The following ANOS1 variants were observed in gnomAD, a reference collection of about 807,000 sequenced individuals.
ANOS1 encodes anosmin 1.
A neutral mutation model predicts 59.0 loss-of-function variants in ANOS1; 6 were observed. The observed-to-expected ratio is 0.10, with a 90% CI of 0.06 to 0.20. The LOEUF is 0.20. ANOS1 is among the 10% of genes least tolerant of loss of function. The pLI, the probability that ANOS1 is intolerant of heterozygous loss-of-function variation, is 1.00. For synonymous variants in ANOS1, 217 were observed against 223.4 expected, an observed-to-expected ratio of 0.97 and a Z score of 0.25; for missense variants, 433 against 542.3, an observed-to-expected ratio of 0.80 and a Z score of 2.00.
intron 8 of ANOS1, 151 bp from the exon 9 acceptor site, chrX:8,554,249 G>A (rs1331419347): frequency 4.0e-6 from 2 of 505,635 alleles, no homozygotes; most frequent in East Asian, 3.7e-5. Flanking sequence ...GGAGGTACCG[G>A]CTCATCTCAT....
At chrX:8,553,148 T>A (rs751301170) in intron 9 of ANOS1, among the ~76,000 whole-genome samples, 2 of 109,830 alleles carry the variant, frequency 1.8e-5, no homozygotes, top group African/African-American at 3.3e-5. Context: ...AAAGACTGTA[T>A]GTTGAATAAA....
At chrX:8,662,817 T>A (rs1932062232) in intron 2 of ANOS1, among the ~76,000 whole-genome samples, 1 of 110,367 alleles carries the variant, frequency 9.1e-6, no homozygotes, top group African/African-American at 3.3e-5. Flanking sequence ...AGGTCAGGAG[T>A]TCGAGATCAG....
chrX:8,561,585 G>A lies in ANOS1; in HGVS notation c.1207+6647C>T, dbSNP rs758946180. On this transcript the variant is annotated intron_variant, in intron 8 of 13. Transcript: ENST00000262648. ...CCGACTCGGCCTCCCAAAGTGCTGG[G>A]ATTACAGGCGTGAGCCACCGCGCCC... Among the ~76,000 whole-genome samples the A allele has an allele frequency of 5.6e-5, 6 of 107,397 alleles. No individual in the cohort carries two copies. In the South Asian group the frequency reaches 1.7e-3, roughly 30 times the overall value. 93.3% of individuals were successfully genotyped at this position (107,397 alleles called of 115,157 possible). A position where few individuals can be genotyped will look rare whatever the true frequency, so the allele number is the denominator to read the frequency against.
At chrX:8,650,218 G>A (rs972916881) in intron 2 of ANOS1, among the ~76,000 whole-genome samples, 28 of 112,296 alleles carry the variant, frequency 2.5e-4, no homozygotes, top group African/African-American at 8.4e-4. Flanking sequence ...CCATTGCTTT[G>A]GAATGTGCTG....
At position 8,581,741 on chromosome X, in the gene ANOS1, C is replaced by T. The variant is rs16985054; in HGVS notation, c.856+3526G>A. ...TCAAATGTAGAAAAGAGCCTCACTG[C>T]GAAAAAATGTCTTTAACAACTTTTT... On this transcript the variant is annotated intron_variant, in intron 6 of 13. Coordinates refer to ENST00000262648, the MANE Select transcript of ANOS1 (RefSeq NM_000216.4). Among the ~76,000 whole-genome samples the T allele has an allele frequency of 1.5e-4, 17 of 111,112 alleles. No homozygotes were observed. In the East Asian group the frequency reaches 3.7e-3, roughly 24 times the overall value.
At chrX:8,694,143 A>C (rs1932648227) in intron 2 of ANOS1, among the ~76,000 whole-genome samples, 1 of 111,991 alleles carries the variant, frequency 8.9e-6, no homozygotes, top group Non-Finnish European at 1.9e-5. Flanking sequence ...CTTTATCACT[A>C]GGGCCTAGGG....
At chrX:8,683,825 C>A (rs777976165) in intron 2 of ANOS1, among the ~76,000 whole-genome samples, 8 of 111,614 alleles carry the variant, frequency 7.2e-5, no homozygotes, top group Non-Finnish European at 1.5e-4. Flanking sequence ...ACTAGTGTTG[C>A]CTTTGTCCGG....
At chrX:8,580,545 C>G (rs1160417008) in intron 6 of ANOS1, among the ~76,000 whole-genome samples, 1 of 111,504 alleles carries the variant, frequency 9.0e-6, no homozygotes, top group African/African-American at 3.3e-5. Context: ...TGAGTTAGGT[C>G]TAAGTTATGG....
At chrX:8,590,283 C>G (rs372650257) in intron 4 of ANOS1, among the ~76,000 whole-genome samples, 1 of 111,802 alleles carries the variant, frequency 8.9e-6, no homozygotes, top group Non-Finnish European at 1.9e-5. Context: ...TATCTTTAAA[C>G]CCAGCTTTCC....
intron 3 of ANOS1, among the ~76,000 whole-genome samples, chrX:8,608,029 G>A (rs1282577355): frequency 6.3e-5 from 7 of 111,903 alleles, no homozygotes; most frequent in African/African-American, 2.3e-4. Flanking sequence ...GAAAAAGAGA[G>A]AGGGAACAGA....
chrX:8,547,365 G>C, intron 9 of ANOS1, among the ~76,000 whole-genome samples: 1 of 111,658 alleles, frequency 9.0e-6, no homozygotes, highest in Non-Finnish European at 1.9e-5. Context: ...TTCATGTCCT[G>C]GGCCAGAAGT....
Position 8,580,800 on chromosome X carries a change from A to T in ANOS1, c.856+4467T>A, listed in dbSNP as rs1052705210. ...GAGATATTCATGGTAGATGAAAAAA[A>T]TAAAAATAAAAACCCTTCCTGCTTT... On this transcript the variant is annotated intron_variant, in intron 6 of 13. Transcript: ENST00000262648. Among the ~76,000 whole-genome samples the T allele has an allele frequency of 3.6e-5, 4 of 111,524 alleles. No homozygotes were observed. In the East Asian group the frequency reaches 1.1e-3, roughly 31 times the overall value.
chrX:8,626,758 G>C (rs1415774188), intron 2 of ANOS1, among the ~76,000 whole-genome samples: 1 of 107,506 alleles, frequency 9.3e-6, no homozygotes, highest in Non-Finnish European at 1.9e-5. Flanking sequence ...CTTCTCGGGA[G>C]GCTGAGGCAG....
At chrX:8,550,439 G>T (rs940064681) in intron 9 of ANOS1, among the ~76,000 whole-genome samples, 5 of 111,504 alleles carry the variant, frequency 4.5e-5, no homozygotes, top group African/African-American at 1.6e-4. Context: ...ACACGTGGAT[G>T]AATTCAATCT....
At chrX:8,561,241 T>C (rs771001106) in intron 8 of ANOS1, among the ~76,000 whole-genome samples, 2 of 112,649 alleles carry the variant, frequency 1.8e-5, no homozygotes, top group South Asian at 7.3e-4. Flanking sequence ...TTAGGCTATT[T>C]TAGCTTAAAG....
At chrX:8,559,381 T>C (rs1250724266) in intron 8 of ANOS1, among the ~76,000 whole-genome samples, 1 of 111,593 alleles carries the variant, frequency 9.0e-6, no homozygotes, top group Non-Finnish European at 1.9e-5. Context: ...TCAACACATA[T>C]TCGTTGCAAC....
intron 2 of ANOS1, among the ~76,000 whole-genome samples, chrX:8,635,623 G>A (rs1013700141): frequency 9.0e-6 from 1 of 111,574 alleles, no homozygotes; most frequent in Admixed American, 9.5e-5. Context: ...CTTTTCTCTG[G>A]GAAAATAAAA....
intron 2 of ANOS1, among the ~76,000 whole-genome samples, chrX:8,650,005 G>A (rs1177894181): frequency 8.9e-6 from 1 of 112,905 alleles, no homozygotes; most frequent in Non-Finnish European, 1.9e-5. Flanking sequence ...CCTAAATCCT[G>A]TAGAAGTGAC....
chrX:8,683,884 G>C (rs1398522498), intron 2 of ANOS1, among the ~76,000 whole-genome samples: 1 of 111,817 alleles, frequency 8.9e-6, no homozygotes, highest in South Asian at 3.7e-4. Context: ...TATAACACTG[G>C]AGGTTTCAGC....
Sources: allele counts gnomAD v4.1 joint callset (sites outside exome capture counted in the v4.1 genomes callset), GRCh38; gene constraint gnomAD v4.1.1; transcripts MANE v1.5; gene names NCBI Gene and HGNC (gene_info 2026-07-23, HGNC 2026-07-21).